TXNRD1: variants seen among roughly 807,000 people sequenced by gnomAD.
TXNRD1 encodes the protein thioredoxin reductase 1, also known as thioredoxin reductase 1, cytoplasmic.
Under a neutral mutation model 80.3 loss-of-function variants are expected in TXNRD1, and 57 were observed. The ratio of observed to expected loss-of-function variants is 0.71; its 90% CI spans 0.57 to 0.89. TXNRD1 has a LOEUF of 0.89. Among genes scored for constraint, TXNRD1 ranks in the 40% least tolerant of loss-of-function variants. The pLI is 0.00. For missense variants in TXNRD1, 730 were observed against 803.0 expected (o/e 0.91, Z 1.10); for synonymous variants, 291 against 285.2 (o/e 1.02, Z -0.20).
chr12:104,262,468 C>T (rs1351452463), intron 3 of TXNRD1: 1 of 152,136 alleles, frequency 6.6e-6, no homozygotes. Flanking sequence ...CTTCTAAGTG[C>T]TGGTTTCATG....
intron 14 of TXNRD1, among the ~76,000 whole-genome samples, chr12:104,333,359 G>A (rs552166984): frequency 6.6e-6 from 1 of 152,156 alleles, no homozygotes; most frequent in East Asian, 1.9e-4. Flanking sequence ...AGTATAACGT[G>A]TTTGAGTTGA....
intron 4 of TXNRD1, chr12:104,304,982 A>G (rs1225853910): frequency 6.6e-7 from 1 of 1,514,782 alleles, no homozygotes; most frequent in African/African-American, 1.4e-5. Flanking sequence ...TTCTGAAGTT[A>G]GATGGAGAGT....
intron 1 of TXNRD1, among the ~76,000 whole-genome samples, chr12:104,231,811 C>T (rs765193818): frequency 3.3e-5 from 5 of 152,182 alleles, no homozygotes; most frequent in Admixed American, 2.0e-4. Context: ...TGGATTTTTA[C>T]GTTACCCATC....
intron 3 of TXNRD1, among the ~76,000 whole-genome samples, chr12:104,259,961 T>C (rs2033330649): frequency 6.6e-6 from 1 of 152,178 alleles, no homozygotes; most frequent in South Asian, 2.1e-4. Context: ...TAGTCACCTA[T>C]CCTCACATGA....
chr12:104,231,615 G>A (rs11111938), intron 1 of TXNRD1, among the ~76,000 whole-genome samples: 21,085 of 152,100 alleles, frequency 0.14, 2,009 homozygotes, highest in East Asian at 0.57. Context: ...TAAGTACCTG[G>A]TGTAGTAAAT....
intron 4 of TXNRD1, among the ~76,000 whole-genome samples, chr12:104,308,241 C>T (rs1456315602): frequency 2.0e-5 from 3 of 152,090 alleles, no homozygotes; most frequent in Non-Finnish European, 2.9e-5. Flanking sequence ...ATGATCCACC[C>T]GCCTTGGCCT....
chr12:104,293,011 C>T (rs1294749892), intron 4 of TXNRD1, among the ~76,000 whole-genome samples: 1 of 152,174 alleles, frequency 6.6e-6, no homozygotes, highest in African/African-American at 2.4e-5. Context: ...AACTAGGGAC[C>T]TCCAAGATGG....
chr12:104,287,144 G>T, intron 3 of TXNRD1: 1 of 1,531,176 alleles, frequency 6.5e-7, no homozygotes, highest in Non-Finnish European at 8.7e-7. Flanking sequence ...AGACAAAGCC[G>T]CGAGCCCAGG....
At chr12:104,338,625 A>C (rs1291381798) in intron 15 of TXNRD1, among the ~76,000 whole-genome samples, 2 of 150,440 alleles carry the variant, frequency 1.3e-5, no homozygotes, top group Non-Finnish European at 3.0e-5. Context: ...TGAATCCAGG[A>C]GGCGGAGGTT....
At chr12:104,319,384 T>C in intron 8 of TXNRD1, 86 bp from the exon 9 acceptor site, 1 of 830,842 alleles carries the variant, frequency 1.2e-6, no homozygotes, top group Non-Finnish European at 1.9e-6. Context: ...AATGAGACAA[T>C]GTAGTGAATG....
At chr12:104,228,201 C>T (rs1448906355) in intron 1 of TXNRD1, among the ~76,000 whole-genome samples, 1 of 150,126 alleles carries the variant, frequency 6.7e-6, no homozygotes, top group Non-Finnish European at 1.5e-5. Flanking sequence ...ACTCGGGAGG[C>T]TGAGGCAGGA....
chr12:104,338,061 G>A (rs1426706317), intron 15 of TXNRD1, among the ~76,000 whole-genome samples: 8 of 150,024 alleles, frequency 5.3e-5, no homozygotes, highest in African/African-American at 2.0e-4. Flanking sequence ...CTCCCAAAGT[G>A]CTGGGATTAC....
At chr12:104,311,488 T>G in intron 5 of TXNRD1, 76 bp downstream of exon 5, 1 of 1,535,104 alleles carries the variant, frequency 6.5e-7, no homozygotes, top group Non-Finnish European at 8.8e-7. Flanking sequence ...CAGGGTTCTC[T>G]CCTCTCTCTG....
chr12:104,234,879 A>G, intron 1 of TXNRD1, among the ~76,000 whole-genome samples: 1 of 151,934 alleles, frequency 6.6e-6, no homozygotes, highest in East Asian at 1.9e-4. Context: ...AAGAGGCAAT[A>G]CCTCTTGATG....
chr12:104,253,207 C>G (rs2033167404), intron 2 of TXNRD1, among the ~76,000 whole-genome samples: 1 of 151,930 alleles, frequency 6.6e-6, no homozygotes. Context: ...GCACTTTTTT[C>G]CCAAGTAAAG....
chr12:104,240,812 G>A (rs889962653), intron 1 of TXNRD1, among the ~76,000 whole-genome samples: 6 of 148,058 alleles, frequency 4.1e-5, no homozygotes, highest in South Asian at 2.1e-4. Flanking sequence ...GCACTATCTC[G>A]ACTCACTGCA....
At chr12:104,215,973 C>G in intron 1 of TXNRD1, 80 bp downstream of exon 1, 1 of 1,248,224 alleles carries the variant, frequency 8.0e-7, no homozygotes, top group South Asian at 1.4e-5. Flanking sequence ...GATAAAGTGC[C>G]CCGGAGCCCT....
intron 1 of TXNRD1, among the ~76,000 whole-genome samples, chr12:104,233,269 C>G (rs919014749): frequency 6.6e-6 from 1 of 151,976 alleles, no homozygotes; most frequent in Admixed American, 6.6e-5. Context: ...TTAAAAGAAA[C>G]TATTATTTCT....
intron 4 of TXNRD1, chr12:104,291,163 A>G (rs1423350039): frequency 1.2e-5 from 6 of 506,868 alleles, no homozygotes; most frequent in South Asian, 2.4e-5. Context: ...ATCATTTAGC[A>G]TATTTCTTAA....
Sources: allele counts gnomAD v4.1 joint callset (sites outside exome capture counted in the v4.1 genomes callset), GRCh38; gene constraint gnomAD v4.1.1; transcripts MANE v1.5; gene names NCBI Gene and HGNC (gene_info 2026-07-23, HGNC 2026-07-21).